The following ALG10 variants were observed in gnomAD, a reference collection of about 807,000 sequenced individuals.
ALG10 encodes the protein ALG10 alpha-1,2-glucosyltransferase, also known as dol-P-Glc:Glc(2)Man(9)GlcNAc(2)-PP-Dol alpha-1,2-glucosyltransferase A.
ALG10 carries 25 observed loss-of-function variants against 39.2 expected under a neutral mutation model. That is an observed-to-expected ratio of 0.64 (90% confidence interval 0.46 to 0.89). The LOEUF (loss-of-function observed/expected upper bound fraction) is 0.89, where lower values mean the gene tolerates loss of function less well. Ranked by LOEUF, ALG10 falls within the 40% of genes least tolerant of loss-of-function variation. The probability of loss-of-function intolerance (pLI) is 0.00; values close to 1 mark genes in which losing one functional copy is unlikely to be tolerated. For missense variants in ALG10, 486 were observed against 546.6 expected (o/e 0.89, Z 1.11); for synonymous variants, 184 against 193.9 (o/e 0.95, Z 0.42).
chr12:34,026,290 C>T lies in ALG10; in HGVS notation c.797C>T (p.Ala266Val). Residue 266 changes from alanine (A) to valine (V), a missense_variant, in exon 3 of 3, where the codon GCT becomes GTT. Transcript: ENST00000266483. ...ATCCTTCTGGGATTTCTGTTTTGTG[C>T]TTTTGTAGTAGTTAATGGTGGAATT... is the stretch of plus-strand genomic sequence containing the variant. ...PYILLGFLFCAFVVVNGGIVI... is the reference protein window; with the variant it reads ...PYILLGFLFCVFVVVNGGIVI... The T allele has an allele frequency of 1.2e-6, 2 of 1,614,012 alleles. No individual in the cohort carries two copies. The highest frequency in any genetic ancestry group is 1.3e-5 in the African/African-American group (1 of 75,004).
rs1193107883 is a variant in ALG10, at chr12:34,027,752, G to A, written c.*837G>A. On this transcript the variant is annotated 3_prime_UTR_variant, in exon 3 of 3. Transcript: ENST00000266483. ...TGGAGGCCAGAAGTCTAAAATCAAA[G>A]TGTCAGCAGAGTTGGTTCCTTCTGG... 1 of 152,164 alleles carries A rather than the reference G, an allele frequency of 6.6e-6. No individual in the cohort carries two copies. The highest frequency in any genetic ancestry group is 1.9e-4 in the East Asian group (1 of 5,192). The allele number at this position is 152,164 out of a possible 1,614,324, so 9.4% of individuals were successfully genotyped here.
In ALG10 at chr12:34,026,328, C is replaced by A. The variant is rs774115772; in HGVS notation, c.835C>A (p.Arg279=). The A allele has an allele frequency of 6.2e-7, 1 of 1,614,012 alleles. No individual in the cohort carries two copies. Among genetic ancestry groups the A allele is most frequent in the South Asian group, 1.1e-5 (1 of 91,070 alleles). Residue 279 remains arginine (R), a synonymous_variant, in exon 3 of 3, where the codon CGG becomes AGG. Transcript: ENST00000266483. ...TAATGGTGGAATTGTTATTGGCGATCGGAGTAGTCATGAAGCCTGTCTTCA... is the reference window on the plus strand; with the variant it reads ...TAATGGTGGAATTGTTATTGGCGATAGGAGTAGTCATGAAGCCTGTCTTCA... ...VVNGGIVIGD[R]SSHEACLHFP...
rs1202382407 is a variant in ALG10 at position 34,026,468 on chromosome 12, G to T, written c.975G>T (p.Leu325=). ...FLSLVWKRRI[L]FFVVTLVSVF... is the part of the protein sequence containing the mutation. ...CCTTAGTTTGGAAACGTAGAATTCT[G>T]TTTTTTGTGGTTACCTTAGTCTCTG... The change falls in exon 3 of 3, where the codon CTG becomes CTT. Residue 325 remains leucine, a synonymous_variant. Transcript: ENST00000266483. 2 of 1,613,694 alleles carry T rather than the reference G, an allele frequency of 1.2e-6. No individual in the cohort carries two copies. Among genetic ancestry groups the T allele is most frequent in the Non-Finnish European group, 1.7e-6 (2 of 1,179,912 alleles).
chr12:34,024,804 G>T (rs558536312), intron 2 of ALG10, among the ~76,000 whole-genome samples: 1 of 152,306 alleles, frequency 6.6e-6, no homozygotes, highest in South Asian at 2.1e-4. Context: ...GATGATTTCA[G>T]TAGTGTCAGT....
Position 34,026,375 on chromosome 12 carries a change from T to C in ALG10, c.882T>C (p.Phe294=), listed in dbSNP as rs1942833028. 1 of 1,613,840 alleles carries C rather than the reference T, an allele frequency of 6.2e-7. No homozygotes were observed. Among genetic ancestry groups the C allele is most frequent in the Non-Finnish European group, 8.5e-7 (1 of 1,179,956 alleles). ...TTCATTTTCCTCAACTATTCTACTT[T>C]TTTTCATTTACTCTCTTTTTTTCCT... ...ACLHFPQLFY[F]FSFTLFFSFP... Residue 294 remains phenylalanine, a synonymous_variant, in exon 3 of 3, where the codon TTT becomes TTC. Coordinates refer to ENST00000266483, the MANE Select transcript of ALG10 (RefSeq NM_032834.4).
At position 34,023,461 on chromosome 12, in the gene ALG10, G is replaced by A. The variant is rs145334911; in HGVS notation, c.172-501G>A. The A allele has an allele frequency of 2.4e-3, 445 of 181,790 alleles. 1 individual carries two copies. Among genetic ancestry groups the A allele is most frequent in the African/African-American group, 0.01 (427 of 41,904 alleles). The allele number at this position is 181,790 out of a possible 1,614,324, so 11.3% of individuals were successfully genotyped here. On this transcript the variant is annotated intron_variant, in intron 1 of 2. Coordinates refer to ENST00000266483, the MANE Select transcript of ALG10 (RefSeq NM_032834.4). ...TTACTAGTTTTGTGATCTTGGAGAT[G>A]TTCTGAGTTTCAGAAATTCAGGTTA...
At position 34,023,828 on chromosome 12, in the gene ALG10, T is replaced by TTA. The variant is rs1942804342; in HGVS notation, c.172-133_172-132dup. 4.9e-6 allele frequency: 6 copies of TTA among 1,227,028 alleles called. No homozygotes were observed. The African/African-American group carries it at 7.5e-5, about 15-fold the overall frequency. 76.0% of individuals were successfully genotyped at this position (1,227,028 alleles called of 1,614,324 possible). The stretch of plus-strand genomic sequence containing the variant: ...AAACGAATCCTGTTCTGCCAAGGAC[T>TTA]TACTTAATCTTGTCATAGAATAACT... On this transcript the variant is annotated intron_variant, in intron 1 of 2. Coordinates refer to ENST00000266483, the MANE Select transcript of ALG10 (RefSeq NM_032834.4).
At position 34,026,855 on chromosome 12, in the gene ALG10, C is replaced by T; in HGVS notation, c.1362C>T (p.Ile454=). Residue 454 remains isoleucine (I), a synonymous_variant, in exon 3 of 3, where the codon ATC becomes ATT. Coordinates refer to ENST00000266483, the MANE Select transcript of ALG10 (RefSeq NM_032834.4). ...TTGTTAATTTCATAACTTTTTTCAT[C>T]TTTCTGAACAAGACTTTTCAGTGGC... The part of the protein sequence containing the change: ...YAVVNFITFF[I]FLNKTFQWPN... 1 of 1,613,692 alleles carries T rather than the reference C, an allele frequency of 6.2e-7. No homozygotes were observed.
At position 34,023,923 on chromosome 12, in the gene ALG10, T is replaced by G. The variant is rs746921343; in HGVS notation, c.172-39T>G. On this transcript the variant is annotated intron_variant, in intron 1 of 2. Coordinates refer to ENST00000266483, the MANE Select transcript of ALG10 (RefSeq NM_032834.4). ...CATATTTGTGCCTGTCTTGTTCCTA[T>G]TACCTCTTGCTTTTACTTCATTTTC... 17 of 1,611,372 alleles carry G rather than the reference T, an allele frequency of 1.1e-5. No homozygotes were observed. In the East Asian group the frequency reaches 3.8e-4, roughly 36 times the overall value.
chr12:34,028,050 C>T lies in ALG10; in HGVS notation c.*1135C>T, dbSNP rs1291970452. The T allele has an allele frequency of 6.6e-6, 1 of 152,062 alleles. No individual in the cohort carries two copies. Among genetic ancestry groups the T allele is most frequent in the Admixed American group, 6.6e-5 (1 of 15,264 alleles). 9.4% of individuals were successfully genotyped at this position (152,062 alleles called of 1,614,324 possible). A position where few individuals can be genotyped will look rare whatever the true frequency, so the allele number is the denominator to read the frequency against. ...GACCCTTAATTATGTTTACAAAGAC[C>T]CATGTTCCAAGTAAGTTTGTATTCA... On this transcript the variant is annotated 3_prime_UTR_variant, in exon 3 of 3. Transcript: ENST00000266483.
At position 34,027,482 on chromosome 12, in the gene ALG10, A is replaced by G. The variant is rs1210534749; in HGVS notation, c.*567A>G. On this transcript the variant is annotated 3_prime_UTR_variant, in exon 3 of 3. Coordinates refer to ENST00000266483, the MANE Select transcript of ALG10 (RefSeq NM_032834.4). Reference sequence around the variant, plus strand: ...TACAAATGCATAGATAGTAAATGATAAAGTAGAGACTCATATATGCCTGTC... The same window carrying G: ...TACAAATGCATAGATAGTAAATGATGAAGTAGAGACTCATATATGCCTGTC... The G allele has an allele frequency of 2.0e-5, 3 of 152,594 alleles. No homozygotes were observed. The highest frequency in any genetic ancestry group is 2.9e-5 in the Non-Finnish European group (2 of 68,028). The allele number at this position is 152,594 out of a possible 1,614,324, so 9.5% of individuals were successfully genotyped here. A position where few individuals can be genotyped will look rare whatever the true frequency, so the allele number is the denominator to read the frequency against.
rs1387045979 is a variant in ALG10 at position 34,028,243 on chromosome 12, CATT to C, written c.*1331_*1333del. On this transcript the variant is annotated 3_prime_UTR_variant, in exon 3 of 3. Coordinates refer to ENST00000266483, the MANE Select transcript of ALG10 (RefSeq NM_032834.4). ...TATATACTTATGAGAAACAAAGTGG[CATT>C]ATGATTTTTGAATATAATGTGGGAT... The C allele has an allele frequency of 2.6e-5, 4 of 152,030 alleles. No homozygotes were observed. Among genetic ancestry groups the C allele is most frequent in the African/African-American group, 9.7e-5 (4 of 41,380 alleles). The allele number at this position is 152,030 out of a possible 1,614,324, so 9.4% of individuals were successfully genotyped here. A position where few individuals can be genotyped will look rare whatever the true frequency, so the allele number is the denominator to read the frequency against.
intron 2 of ALG10, 45 bp downstream of exon 2, chr12:34,024,204 C>A: frequency 6.3e-7 from 1 of 1,588,192 alleles, no homozygotes; most frequent in Admixed American, 1.7e-5. Context: ...GTAGTCAGGT[C>A]CACAATTACA....
intron 1 of ALG10, 40 bp from the exon 2 acceptor site, chr12:34,023,922 A>G (rs370762704): frequency 1.2e-4 from 189 of 1,610,612 alleles, no homozygotes; most frequent in Non-Finnish European, 1.6e-4. Flanking sequence ...TCTTGTTCCT[A>G]TTACCTCTTG....
chr12:34,026,287 G>T lies in ALG10; in HGVS notation c.794G>T (p.Cys265Phe), dbSNP rs1324489480. 6.2e-7 allele frequency: 1 copy of T among 1,614,000 alleles called. No individual in the cohort carries two copies. The highest frequency in any genetic ancestry group is 1.7e-5 in the Admixed American group (1 of 59,998). The change falls in exon 3 of 3, where the codon TGT becomes TTT. Residue 265 changes from cysteine (C) to phenylalanine (F), a missense_variant. Transcript: ENST00000266483. ...WPYILLGFLF[C>F]AFVVVNGGIV... ...TACATCCTTCTGGGATTTCTGTTTTGTGCTTTTGTAGTAGTTAATGGTGGA... is the reference window on the plus strand; with the variant it reads ...TACATCCTTCTGGGATTTCTGTTTTTTGCTTTTGTAGTAGTTAATGGTGGA...
In ALG10 at chr12:34,026,289, G is replaced by A. The variant is rs941968628; in HGVS notation, c.796G>A (p.Ala266Thr). The part of the protein sequence containing the change: ...PYILLGFLFC[A>T]FVVVNGGIVI... ...CATCCTTCTGGGATTTCTGTTTTGTGCTTTTGTAGTAGTTAATGGTGGAAT... is the reference window on the plus strand; with the variant it reads ...CATCCTTCTGGGATTTCTGTTTTGTACTTTTGTAGTAGTTAATGGTGGAAT... Residue 266 changes from alanine to threonine, a missense_variant, in exon 3 of 3, where the codon GCT becomes ACT. By Grantham distance (58) the Ala-to-Thr change is moderately conservative. Coordinates refer to ENST00000266483, the MANE Select transcript of ALG10 (RefSeq NM_032834.4). The A allele has an allele frequency of 1.2e-6, 2 of 1,614,032 alleles. No individual in the cohort carries two copies. The highest frequency in any genetic ancestry group is 3.3e-5 in the Admixed American group (2 of 60,004).
chr12:34,027,152 A>T lies in ALG10; in HGVS notation c.*237A>T. The T allele has an allele frequency of 5.3e-6, 2 of 373,962 alleles. No individual in the cohort carries two copies. The highest frequency in any genetic ancestry group is 9.4e-6 in the Non-Finnish European group (2 of 213,286). The allele number at this position is 373,962 out of a possible 1,614,324, so 23.2% of individuals were successfully genotyped here. A position where few individuals can be genotyped will look rare whatever the true frequency, so the allele number is the denominator to read the frequency against. On this transcript the variant is annotated 3_prime_UTR_variant, in exon 3 of 3. Transcript: ENST00000266483. ...AATGGAAAAATAAAATTGTTTTCAG[A>T]TATCTCATATCACTCTCATAATGTT...
chr12:34,023,964 G>T lies in ALG10; in HGVS notation c.174G>T (p.Trp58Cys), dbSNP rs370489999. ...CTTCATTTTCTTTCATTTTAAAGTGGGATCCCATGATTACTACATTACCTG... is the reference window on the plus strand; with the variant it reads ...CTTCATTTTCTTTCATTTTAAAGTGTGATCCCATGATTACTACATTACCTG... ...YCEGHFSLSQWDPMITTLPGL... is the reference protein window; with the variant it reads ...YCEGHFSLSQCDPMITTLPGL... The change falls in exon 2 of 3, where the codon TGG becomes TGT. Residue 58 changes from tryptophan to cysteine, a missense_variant and splice_region_variant. By Grantham distance (215) the Trp-to-Cys change is radical. Coordinates refer to ENST00000266483, the MANE Select transcript of ALG10 (RefSeq NM_032834.4). The T allele has an allele frequency of 5.6e-6, 9 of 1,613,746 alleles. No individual in the cohort carries two copies. The highest frequency in any genetic ancestry group is 7.6e-6 in the Non-Finnish European group (9 of 1,179,938).
rs564743597 is a variant in ALG10, at chr12:34,027,311, C to T, written c.*396C>T. 30 of 153,344 alleles carry T rather than the reference C, an allele frequency of 2.0e-4. No homozygotes were observed. The East Asian group carries it at 4.2e-3, about 22-fold the overall frequency. The allele number at this position is 153,344 out of a possible 1,614,324, so 9.5% of individuals were successfully genotyped here. A position where few individuals can be genotyped will look rare whatever the true frequency, so the allele number is the denominator to read the frequency against. ...AGTGCAAAAGTAATTGTGGTTTTTGCCATTGAAAGTAATGGCAAAACCACA... is the reference window on the plus strand; with the variant it reads ...AGTGCAAAAGTAATTGTGGTTTTTGTCATTGAAAGTAATGGCAAAACCACA... On this transcript the variant is annotated 3_prime_UTR_variant, in exon 3 of 3. Transcript: ENST00000266483.
Sources: gnomAD v4.1 joint callset for allele counts (sites outside exome capture counted in the v4.1 genomes callset) on GRCh38, gnomAD v4.1.1 for gene constraint, MANE v1.5 for transcripts, NCBI Gene and HGNC (gene_info 2026-07-23, HGNC 2026-07-21) for gene names.